Variants in SPAST observed in about 807,000 individuals in gnomAD.
SPAST encodes the protein spastic paraplegia 4 (autosomal dominant; spastin).
Under a neutral mutation model 76.6 loss-of-function variants are expected in SPAST, and 30 were observed. That is an observed-to-expected ratio of 0.39 (90% CI 0.29 to 0.53). SPAST has a LOEUF of 0.53. Ranked by LOEUF, SPAST falls within the 20% of genes least tolerant of loss-of-function variation. The pLI is 0.68. For synonymous variants in SPAST, 305 were observed against 281.0 expected (o/e 1.09, Z -0.86); for missense variants, 717 against 770.5 (o/e 0.93, Z 0.82).
At chr2:32,084,908 AAAGG>A (rs1205458719) in intron 1 of SPAST, among the ~76,000 whole-genome samples, 17 of 151,162 alleles carry the variant, frequency 1.1e-4, no homozygotes, top group African/African-American at 3.9e-4. Context: ...AAAAAAAAAA[AAAGG>A]GAAGGAGCAT....
chr2:32,114,869 G>T, intron 5 of SPAST, 44 bp downstream of exon 5: 1 of 1,497,104 alleles, frequency 6.7e-7, no homozygotes, highest in Non-Finnish European at 9.3e-7. Context: ...TTTGCAAATA[G>T]AAAAATTTTT....
chr2:32,118,614 G>T (rs894121224), intron 7 of SPAST, among the ~76,000 whole-genome samples: 1 of 152,082 alleles, frequency 6.6e-6, no homozygotes, highest in Non-Finnish European at 1.5e-5. Context: ...ACCTGAAAAG[G>T]ATCTTAGCAG....
At chr2:32,128,365 A>G in intron 8 of SPAST, 43 bp from the exon 9 acceptor site, 3 of 1,292,996 alleles carry the variant, frequency 2.3e-6, no homozygotes, top group African/African-American at 1.5e-5. Context: ...TTTAAATGTA[A>G]TATATTGAAC....
intron 1 of SPAST, among the ~76,000 whole-genome samples, chr2:32,070,259 G>C (rs1410510773): frequency 1.3e-5 from 2 of 151,696 alleles, no homozygotes; most frequent in Non-Finnish European, 2.9e-5. Flanking sequence ...GGAGAGACAG[G>C]GTTTCACCAT....
chr2:32,077,128 C>G (rs1042998487), intron 1 of SPAST, among the ~76,000 whole-genome samples: 6 of 152,144 alleles, frequency 3.9e-5, no homozygotes, highest in Non-Finnish European at 7.4e-5. Flanking sequence ...CACACCTTGG[C>G]CTCCCAAAGT....
At chr2:32,123,897 G>A (rs368063638) in intron 7 of SPAST, among the ~76,000 whole-genome samples, 4 of 151,926 alleles carry the variant, frequency 2.6e-5, no homozygotes, top group South Asian at 2.1e-4. Context: ...TGTAACATGC[G>A]AACTGAAACT....
At chr2:32,068,983 G>C (rs1179249173) in intron 1 of SPAST, among the ~76,000 whole-genome samples, 1 of 152,072 alleles carries the variant, frequency 6.6e-6, no homozygotes, top group Non-Finnish European at 1.5e-5. Flanking sequence ...GCAGAGGCAG[G>C]CGGATCACTT....
At chr2:32,108,891 G>C (rs1213244859) in intron 4 of SPAST, among the ~76,000 whole-genome samples, 3 of 143,362 alleles carry the variant, frequency 2.1e-5, no homozygotes, top group Non-Finnish European at 4.5e-5. Context: ...TCAGCCTCCT[G>C]AGTAGCTGGG....
intron 4 of SPAST, among the ~76,000 whole-genome samples, chr2:32,113,513 C>G (rs1208771586): frequency 6.7e-6 from 1 of 150,248 alleles, no homozygotes; most frequent in Non-Finnish European, 1.5e-5. Context: ...TCCCTAATGC[C>G]TTTACTATAT....
chr2:32,104,254 A>G (rs529283323), intron 4 of SPAST, among the ~76,000 whole-genome samples: 1 of 152,214 alleles, frequency 6.6e-6, no homozygotes, highest in South Asian at 2.1e-4. Flanking sequence ...AGTCTGTTTT[A>G]TCAGAGAGTT....
intron 9 of SPAST, among the ~76,000 whole-genome samples, chr2:32,135,144 G>A (rs1033773993): frequency 1.1e-4 from 17 of 151,870 alleles, no homozygotes; most frequent in African/African-American, 3.9e-4. Flanking sequence ...GTGTGTGTGT[G>A]TGTGAGATGG....
At chr2:32,103,780 C>T (rs548105451) in intron 4 of SPAST, among the ~76,000 whole-genome samples, 5 of 152,110 alleles carry the variant, frequency 3.3e-5, no homozygotes, top group East Asian at 1.9e-4. Flanking sequence ...TGTGGTTTTG[C>T]GTGAGTTTCT....
chr2:32,134,235 G>A (rs1264650240), intron 9 of SPAST, among the ~76,000 whole-genome samples: 3 of 152,044 alleles, frequency 2.0e-5, no homozygotes, highest in Non-Finnish European at 4.4e-5. Context: ...GAATGCGGTG[G>A]CTCACACCTG....
intron 16 of SPAST, among the ~76,000 whole-genome samples, chr2:32,149,887 ATTTT>A (rs1265301743): frequency 6.6e-6 from 1 of 151,822 alleles, no homozygotes; most frequent in East Asian, 1.9e-4. Context: ...TTTGTAACTT[ATTTT>A]TTATTTCCCT....
intron 1 of SPAST, among the ~76,000 whole-genome samples, chr2:32,074,218 A>G (rs1676862252): frequency 6.6e-6 from 1 of 152,228 alleles, no homozygotes; most frequent in South Asian, 2.1e-4. Flanking sequence ...CCTATCTAGA[A>G]GAAAAGACTA....
At chr2:32,150,790 A>G (rs1680058421) in intron 16 of SPAST, among the ~76,000 whole-genome samples, 1 of 152,138 alleles carries the variant, frequency 6.6e-6, no homozygotes, top group South Asian at 2.1e-4. Context: ...TAAAAGTCAT[A>G]ACATTATTTA....
rs1033459084 is a variant in SPAST, at chr2:32,141,835, C to T, written c.1494-69C>T. The T allele has an allele frequency of 3.3e-6, 4 of 1,209,362 alleles. 1 individual carries two copies. The African/African-American group carries it at 4.5e-5, about 14-fold the overall frequency. The allele number at this position is 1,209,362 out of a possible 1,614,324, so 74.9% of individuals were successfully genotyped here. A position where few individuals can be genotyped will look rare whatever the true frequency, so the allele number is the denominator to read the frequency against. The stretch of plus-strand genomic sequence containing the variant: ...TGAATATTATATTTTAAAAGCTTTT[C>T]CTGTCATTTGCTGTTTCAGCTTTAA... On this transcript the variant is annotated intron_variant, in intron 12 of 16. Transcript: ENST00000315285.
At chr2:32,141,120 CACTT>C (rs1318894538) in intron 12 of SPAST, among the ~76,000 whole-genome samples, 1 of 152,120 alleles carries the variant, frequency 6.6e-6, no homozygotes, top group Non-Finnish European at 1.5e-5. Flanking sequence ...CAGCCTCCCT[CACTT>C]ACAGTGAAGC....
At chr2:32,149,970 G>C (rs997328408) in intron 16 of SPAST, among the ~76,000 whole-genome samples, 4 of 151,234 alleles carry the variant, frequency 2.6e-5, no homozygotes, top group African/African-American at 9.7e-5. Flanking sequence ...AGTACATTTT[G>C]GAGTTTGTTT....
Sources: gnomAD v4.1 joint callset for allele counts (sites outside exome capture counted in the v4.1 genomes callset) on GRCh38, gnomAD v4.1.1 for gene constraint, MANE v1.5 for transcripts, NCBI Gene and HGNC (gene_info 2026-07-23, HGNC 2026-07-21) for gene names.